The following CUX2 variants were observed in gnomAD, a reference collection of about 807,000 sequenced individuals.
The protein encoded by CUX2 is cut like homeobox 2.
CUX2 carries 40 observed loss-of-function variants against 144.8 expected under a neutral mutation model. The ratio of observed to expected loss-of-function variants is 0.28; its 90% CI spans 0.21 to 0.36. The LOEUF (loss-of-function observed/expected upper bound fraction) is 0.36. Among genes scored for constraint, CUX2 ranks in the 10% least tolerant of loss-of-function variants. The pLI is 1.00. For synonymous variants in CUX2, 827 were observed against 875.6 expected, an observed-to-expected ratio of 0.94 and a Z score of 0.98; for missense variants, 1,615 against 1,994.0, an observed-to-expected ratio of 0.81 and a Z score of 3.62.
chr12:111,338,229 G>C, intron 19 of CUX2, 57 bp from the exon 20 acceptor site: 1 of 1,521,964 alleles, frequency 6.6e-7, no homozygotes, highest in Non-Finnish European at 8.9e-7. Flanking sequence ...TCTCTCCTGG[G>C]AGTAGGCTTC....
chr12:111,290,949 A>G (rs1592924522), intron 4 of CUX2, among the ~76,000 whole-genome samples: 1 of 147,792 alleles, frequency 6.8e-6, no homozygotes, highest in South Asian at 2.2e-4. Flanking sequence ...TGCAATCTCC[A>G]CCTCCTGGGT....
In CUX2 at chr12:111,314,415, C is replaced by T. The variant is rs550682580; in HGVS notation, c.2002+2214C>T. Among the ~76,000 whole-genome samples, 22 of 152,170 alleles carry T rather than the reference C, an allele frequency of 1.4e-4. No homozygotes were observed. The South Asian group carries it at 4.4e-3, about 30-fold the overall frequency. On this transcript the variant is annotated intron_variant, in intron 16 of 21. Transcript: ENST00000261726. ...TCTGGGAGGCCGAGGCCAAGGCGGG[C>T]AGATCACCTGAGGTCAGGAGTTTGA...
chr12:111,319,547 G>A (rs1373107434), intron 16 of CUX2, among the ~76,000 whole-genome samples: 1 of 152,050 alleles, frequency 6.6e-6, no homozygotes, highest in Non-Finnish European at 1.5e-5. Context: ...GACCAGCCTG[G>A]CCAACATGGC....
chr12:111,110,212 C>T (rs1014552296), intron 1 of CUX2, among the ~76,000 whole-genome samples: 8 of 152,086 alleles, frequency 5.3e-5, no homozygotes, highest in African/African-American at 1.4e-4. Context: ...AGGTCAGAGA[C>T]GCCCATAGAC....
intron 1 of CUX2, among the ~76,000 whole-genome samples, chr12:111,098,566 A>G (rs1456753044): frequency 6.6e-6 from 1 of 152,164 alleles, no homozygotes; most frequent in Non-Finnish European, 1.5e-5. Context: ...CCTTGCCAGC[A>G]TTTCTCCTTT....
intron 1 of CUX2, among the ~76,000 whole-genome samples, chr12:111,088,367 C>T (rs1046753093): frequency 1.4e-4 from 22 of 152,232 alleles, no homozygotes; most frequent in African/African-American, 5.3e-4. Flanking sequence ...ACTAGGATTG[C>T]AGGCATGGGA....
At chr12:111,071,181 T>G (rs1341626798) in intron 1 of CUX2, among the ~76,000 whole-genome samples, 1 of 152,086 alleles carries the variant, frequency 6.6e-6, no homozygotes, top group Non-Finnish European at 1.5e-5. Flanking sequence ...ATGCTTAGTT[T>G]TTTAAGAAAC....
At chr12:111,072,988 G>A (rs943470327) in intron 1 of CUX2, among the ~76,000 whole-genome samples, 1 of 152,174 alleles carries the variant, frequency 6.6e-6, no homozygotes, top group African/African-American at 2.4e-5. Flanking sequence ...AATAAAAATG[G>A]TCCACTTAAG....
At chr12:111,155,223 C>T (rs956656845) in intron 1 of CUX2, among the ~76,000 whole-genome samples, 1 of 152,190 alleles carries the variant, frequency 6.6e-6, no homozygotes, top group African/African-American at 2.4e-5. Context: ...CACTTCACCT[C>T]TCTGAGCCTC....
At chr12:111,296,729 G>C (rs1303967863) in intron 8 of CUX2, among the ~76,000 whole-genome samples, 190 bp downstream of exon 8, 11 of 85,388 alleles carry the variant, frequency 1.3e-4, no homozygotes, top group South Asian at 4.9e-4. Context: ...CCCTCCCAGA[G>C]AGGCCTCCTC....
At chr12:111,099,746 G>T (rs544515431) in intron 1 of CUX2, 1 of 453,696 alleles carries the variant, frequency 2.2e-6, no homozygotes, top group African/African-American at 2.0e-5. Context: ...GGGCCTGCAC[G>T]GATGGTGTAA....
At chr12:111,308,641 C>G (rs1364851394) in intron 14 of CUX2, 115 bp downstream of exon 14, 3 of 859,258 alleles carry the variant, frequency 3.5e-6, no homozygotes, top group African/African-American at 3.4e-5. Context: ...AACGACAGAA[C>G]AACAGGTGTG....
chr12:111,065,585 C>T (rs1436445151), intron 1 of CUX2, among the ~76,000 whole-genome samples: 1 of 152,252 alleles, frequency 6.6e-6, no homozygotes, highest in Non-Finnish European at 1.5e-5. Context: ...ATCCACCAGC[C>T]TTGACCTCCC....
intron 1 of CUX2, among the ~76,000 whole-genome samples, chr12:111,097,035 G>A (rs142517998): frequency 6.6e-6 from 1 of 152,194 alleles, no homozygotes; most frequent in African/African-American, 2.4e-5. Flanking sequence ...TTCAGAAGGT[G>A]AGTCCCTGTT....
rs1191021541 is a variant in CUX2, at chr12:111,134,616, C to CTGTGTG, written c.64-79583_64-79582insGTGTGT. ...TCTTTCTCTCTCTCTCTCTCTCTCT[C>CTGTGTG]TCTCTGTGTGTGTGTGTGTGTGTGT... On this transcript the variant is annotated intron_variant, in intron 1 of 21. Coordinates refer to ENST00000261726, the MANE Select transcript of CUX2 (RefSeq NM_015267.4). Among the ~76,000 whole-genome samples the CTGTGTG allele has an allele frequency of 4.3e-4, 62 of 145,220 alleles. 1 individual carries two copies. The highest frequency in any genetic ancestry group is 1.7e-3 in the African/African-American group (60 of 35,852).
chr12:111,334,307 C>A, intron 18 of CUX2, 134 bp from the exon 19 acceptor site: 1 of 894,556 alleles, frequency 1.1e-6, no homozygotes, highest in Non-Finnish European at 1.7e-6. Flanking sequence ...GTGGTCCCTA[C>A]CTGAGCGATT....
chr12:111,055,205 C>G (rs1035951141), intron 1 of CUX2, among the ~76,000 whole-genome samples: 6 of 152,244 alleles, frequency 3.9e-5, no homozygotes, highest in African/African-American at 1.4e-4. Context: ...ATGGGTGGCT[C>G]TTGGTGGACC....
At chr12:111,200,966 G>A (rs1310231983) in intron 1 of CUX2, among the ~76,000 whole-genome samples, 2 of 152,166 alleles carry the variant, frequency 1.3e-5, no homozygotes, top group Admixed American at 6.5e-5. Context: ...AGGCATCCTT[G>A]CTCTCATTTA....
At chr12:111,247,208 G>T (rs561139280) in intron 3 of CUX2, among the ~76,000 whole-genome samples, 1 of 152,162 alleles carries the variant, frequency 6.6e-6, no homozygotes, top group East Asian at 1.9e-4. Context: ...AGCACCGCAC[G>T]TGGAAAGTTA....
Sources: gnomAD v4.1 joint callset for allele counts (sites outside exome capture counted in the v4.1 genomes callset) on GRCh38, gnomAD v4.1.1 for gene constraint, MANE v1.5 for transcripts, NCBI Gene and HGNC (gene_info 2026-07-23, HGNC 2026-07-21) for gene names.